The following CACNA1E variants were observed in gnomAD, a reference collection of about 807,000 sequenced individuals.
The protein encoded by CACNA1E is voltage-dependent R-type calcium channel subunit alpha-1E.
Under a neutral mutation model 259.2 loss-of-function variants are expected in CACNA1E, and 40 were observed. The ratio of observed to expected loss-of-function variants is 0.15; its 90% CI spans 0.12 to 0.20. The LOEUF is 0.20. Ranked by LOEUF, CACNA1E falls within the 10% of genes least tolerant of loss-of-function variation. The pLI, the probability that CACNA1E is intolerant of heterozygous loss-of-function variation, is 1.00. For missense variants in CACNA1E, 1,874 were observed against 3,040.1 expected, an observed-to-expected ratio of 0.62 and a Z score of 9.02; for synonymous variants, 1,104 against 1,138.5, an observed-to-expected ratio of 0.97 and a Z score of 0.61.
At chr1:181,556,492 G>T (rs1291926128) in intron 3 of CACNA1E, among the ~76,000 whole-genome samples, 2 of 152,194 alleles carry the variant, frequency 1.3e-5, no homozygotes, top group Admixed American at 6.5e-5. Context: ...CCCTGTGGGA[G>T]GGGGAGGCAG....
At chr1:181,354,712 C>T (rs913168580) in intron 1 of CACNA1E, among the ~76,000 whole-genome samples, 29 of 152,128 alleles carry the variant, frequency 1.9e-4, no homozygotes, top group Admixed American at 1.8e-3. Flanking sequence ...GGGAAAAGGG[C>T]AGTAGAGCCT....
At chr1:181,781,384 C>A in intron 38 of CACNA1E, 43 bp from the exon 39 acceptor site, 1 of 971,788 alleles carries the variant, frequency 1.0e-6, no homozygotes, top group Non-Finnish European at 1.6e-6. Context: ...CCCCACTGCC[C>A]CGCTAACCCA....
At chr1:181,642,537 G>T (rs1374793104) in intron 6 of CACNA1E, among the ~76,000 whole-genome samples, 1 of 152,130 alleles carries the variant, frequency 6.6e-6, no homozygotes, top group East Asian at 1.9e-4. Context: ...ACTCTTTTGC[G>T]TTTCTGATAC....
At chr1:181,451,308 T>G (rs992148087) in intron 2 of CACNA1E, among the ~76,000 whole-genome samples, 2 of 152,332 alleles carry the variant, frequency 1.3e-5, no homozygotes, top group African/African-American at 4.8e-5. Context: ...AGATCAATAT[T>G]TTTAACATCC....
intron 6 of CACNA1E, 38 bp downstream of exon 6, chr1:181,580,814 A>G: frequency 3.1e-6 from 5 of 1,596,172 alleles, no homozygotes; most frequent in Non-Finnish European, 4.3e-6. Flanking sequence ...GGAGGAGGGA[A>G]GAACCCTGGA....
chr1:181,613,654 T>A (rs1448428842), intron 6 of CACNA1E, among the ~76,000 whole-genome samples: 1 of 152,200 alleles, frequency 6.6e-6, no homozygotes, highest in African/African-American at 2.4e-5. Flanking sequence ...ATGGGTACTT[T>A]ATCAGGAAGG....
chr1:181,359,185 T>C (rs1653674935), intron 1 of CACNA1E, among the ~76,000 whole-genome samples: 2 of 152,194 alleles, frequency 1.3e-5, no homozygotes, highest in Admixed American at 1.3e-4. Flanking sequence ...ACAATCATAT[T>C]GATATAAGAC....
intron 3 of CACNA1E, among the ~76,000 whole-genome samples, chr1:181,546,687 C>T (rs1558111632): frequency 6.6e-6 from 1 of 152,304 alleles, no homozygotes; most frequent in East Asian, 1.9e-4. Flanking sequence ...ACCCTCTTCT[C>T]TACACAAAAA....
chr1:181,602,977 G>A (rs1558174010), intron 6 of CACNA1E, among the ~76,000 whole-genome samples: 1 of 152,122 alleles, frequency 6.6e-6, no homozygotes, highest in Non-Finnish European at 1.5e-5. Context: ...GTCCTCATGA[G>A]GAGGCCTCCA....
chr1:181,724,569 C>G, intron 17 of CACNA1E, 32 bp downstream of exon 17: 1 of 1,567,394 alleles, frequency 6.4e-7, no homozygotes, highest in Non-Finnish European at 8.7e-7. Context: ...TCTGATGTTT[C>G]TCTAGTGCCA....
chr1:181,368,963 G>C (rs576305504), intron 1 of CACNA1E, among the ~76,000 whole-genome samples: 1 of 152,300 alleles, frequency 6.6e-6, no homozygotes, highest in East Asian at 1.9e-4. Context: ...TGGGCCCACG[G>C]TAGATTCTTT....
chr1:181,633,028 C>G (rs1156453247), intron 6 of CACNA1E, among the ~76,000 whole-genome samples: 2 of 151,938 alleles, frequency 1.3e-5, no homozygotes, highest in Admixed American at 1.3e-4. Flanking sequence ...GGTTGGTTTC[C>G]CTGGAAGTCA....
At chr1:181,663,117 A>C (rs1647852770) in intron 7 of CACNA1E, among the ~76,000 whole-genome samples, 1 of 152,238 alleles carries the variant, frequency 6.6e-6, no homozygotes, top group African/African-American at 2.4e-5. Flanking sequence ...TTTGTTATAG[A>C]ATCTGTCACT....
intron 1 of CACNA1E, among the ~76,000 whole-genome samples, chr1:181,363,373 A>G (rs1329456596): frequency 1.3e-5 from 2 of 152,264 alleles, no homozygotes; most frequent in Non-Finnish European, 1.5e-5. Flanking sequence ...GGAAGGAAGT[A>G]GAGAATCCAT....
chr1:181,641,166 T>A (rs1334633111), intron 6 of CACNA1E, among the ~76,000 whole-genome samples: 3 of 152,236 alleles, frequency 2.0e-5, no homozygotes, highest in African/African-American at 7.2e-5. Flanking sequence ...TGTATGCTAC[T>A]GTGAGGTGTG....
Position 181,771,320 on chromosome 1 carries a change from G to A in CACNA1E, c.4909G>A (p.Glu1637Lys). 2 of 1,594,888 alleles carry A rather than the reference G, an allele frequency of 1.3e-6. No homozygotes were observed. Among genetic ancestry groups the A allele is most frequent in the Non-Finnish European group, 1.7e-6 (2 of 1,167,754 alleles). ...QVFGNIKLDE[E>K]SHINRHNNFR... Reference sequence around the variant, plus strand: ...ATTTGGAAACATAAAATTAGACGAGGAGAGTCACATCAACCGGCACAACAA... The same window carrying A: ...ATTTGGAAACATAAAATTAGACGAGAAGAGTCACATCAACCGGCACAACAA... Residue 1637 changes from glutamate to lysine, a missense_variant, in exon 36 of 48, where the codon GAG becomes AAG. Physicochemically the swap from Glu to Lys is moderately conservative, Grantham distance 56. This residue lies in a region of CACNA1E where 147 missense variants were observed against 337.1 expected (regional missense o/e 0.44). Transcript: ENST00000367573.
At chr1:181,400,518 C>T (rs541970827) in intron 1 of CACNA1E, among the ~76,000 whole-genome samples, 1 of 152,242 alleles carries the variant, frequency 6.6e-6, no homozygotes, top group South Asian at 2.1e-4. Context: ...GCTGAAGCAT[C>T]CCCATGCCCT....
intron 2 of CACNA1E, among the ~76,000 whole-genome samples, chr1:181,441,405 C>T (rs996650982): frequency 6.6e-6 from 1 of 152,248 alleles, no homozygotes; most frequent in African/African-American, 2.4e-5. Context: ...CTCCCTCAGC[C>T]TCCCAAAGTG....
intron 1 of CACNA1E, among the ~76,000 whole-genome samples, chr1:181,353,532 G>C (rs1229547028): frequency 1.3e-5 from 2 of 152,234 alleles, no homozygotes; most frequent in African/African-American, 4.8e-5. Context: ...TTGAGAGAGA[G>C]AGAGCATGAT....
Sources: allele counts gnomAD v4.1 joint callset (sites outside exome capture counted in the v4.1 genomes callset), GRCh38; gene constraint gnomAD v4.1.1; regional missense constraint gnomAD v4.1.1; transcripts MANE v1.5; gene names NCBI Gene and HGNC (gene_info 2026-07-23, HGNC 2026-07-21).